The following AP3B1 variants were observed in gnomAD, a reference collection of about 807,000 sequenced individuals.
AP3B1 encodes the protein AP-3 complex subunit beta-1.
A neutral mutation model predicts 132.5 loss-of-function variants in AP3B1; 61 were observed. The observed-to-expected ratio is 0.46, with a 90% CI of 0.37 to 0.57. The LOEUF is 0.57. Ranked by LOEUF, AP3B1 falls within the 20% of genes least tolerant of loss-of-function variation. The pLI, the probability that AP3B1 is intolerant of heterozygous loss-of-function variation, is 0.00. For synonymous variants in AP3B1, 388 were observed against 438.3 expected, an observed-to-expected ratio of 0.89 and a Z score of 1.43; for missense variants, 1,120 against 1,289.4, an observed-to-expected ratio of 0.87 and a Z score of 2.01.
intron 11 of AP3B1, among the ~76,000 whole-genome samples, chr5:78,166,120 CA>C (rs992683225): frequency 0.017 from 3 of 174 alleles, no homozygotes; most frequent in African/African-American, 0.042. Context: ...AACTCTGTCA[CA>C]CACACACACA....
At chr5:78,065,953 A>G (rs569198465) in intron 22 of AP3B1, among the ~76,000 whole-genome samples, 4 of 152,250 alleles carry the variant, frequency 2.6e-5, no homozygotes, top group Non-Finnish European at 5.9e-5. Flanking sequence ...TGAAGCTCCC[A>G]GAGGAAAGAG....
chr5:78,089,563 C>G, intron 21 of AP3B1, 64 bp from the exon 22 acceptor site: 1 of 1,058,000 alleles, frequency 9.5e-7, no homozygotes, highest in Non-Finnish European at 1.5e-6. Flanking sequence ...TTAAAAGCAA[C>G]ATTTTTATTT....
intron 2 of AP3B1, among the ~76,000 whole-genome samples, chr5:78,266,496 A>T (rs1454123751): frequency 6.6e-6 from 1 of 152,152 alleles, no homozygotes; most frequent in African/African-American, 2.4e-5. Context: ...GATACCTGTT[A>T]TTTGGACTTT....
intron 26 of AP3B1, among the ~76,000 whole-genome samples, chr5:78,005,081 C>T (rs1013342331): frequency 3.3e-5 from 5 of 152,172 alleles, no homozygotes; most frequent in African/African-American, 9.7e-5. Context: ...TGTAAAACCA[C>T]GTCACCAAAG....
At chr5:78,193,744 T>TTTTATA (rs1554074849) in intron 7 of AP3B1, among the ~76,000 whole-genome samples, 4 of 110,414 alleles carry the variant, frequency 3.6e-5, no homozygotes, top group African/African-American at 6.3e-5. Context: ...ATATATTTTT[T>TTTTATA]TATATATATA....
intron 24 of AP3B1, among the ~76,000 whole-genome samples, chr5:78,034,068 T>C (rs186012961): frequency 6.6e-6 from 1 of 152,080 alleles, no homozygotes; most frequent in Admixed American, 6.5e-5. Flanking sequence ...TTTCTAAAAC[T>C]GGAGTGATAA....
chr5:78,241,760 GACATCAT>G (rs1463257858), intron 2 of AP3B1, among the ~76,000 whole-genome samples: 11 of 152,128 alleles, frequency 7.2e-5, no homozygotes, highest in African/African-American at 2.7e-4. Flanking sequence ...TCTCTAACTA[GACATCAT>G]TAGATTGCTC....
At chr5:78,163,624 G>GTA (rs1185244042) in intron 12 of AP3B1, among the ~76,000 whole-genome samples, 2 of 136,682 alleles carry the variant, frequency 1.5e-5, no homozygotes, top group African/African-American at 3.0e-5. Flanking sequence ...TGTATATATA[G>GTA]TATATATATA....
chr5:78,204,744 A>G (rs1001130591), intron 7 of AP3B1, among the ~76,000 whole-genome samples: 15 of 152,216 alleles, frequency 9.9e-5, no homozygotes, highest in African/African-American at 3.6e-4. Context: ...CCTCTTTGCG[A>G]ACAGAATCTA....
intron 11 of AP3B1, among the ~76,000 whole-genome samples, chr5:78,170,668 C>T (rs569773888): frequency 3.5e-4 from 54 of 152,250 alleles, no homozygotes; most frequent in Middle Eastern, 3.4e-3. Context: ...AAATTTTTCT[C>T]CCATTCTGTA....
chr5:78,158,963 C>T (rs1327548206), intron 13 of AP3B1, among the ~76,000 whole-genome samples: 1 of 152,154 alleles, frequency 6.6e-6, no homozygotes, highest in Admixed American at 6.5e-5. Context: ...CTCCCAAATG[C>T]TGGGACTACA....
At chr5:78,205,163 C>T (rs749663710) in intron 7 of AP3B1, among the ~76,000 whole-genome samples, 34 of 151,724 alleles carry the variant, frequency 2.2e-4, no homozygotes, top group Non-Finnish European at 3.5e-4. Context: ...TAACAATATA[C>T]GACATAAAGA....
chr5:78,109,806 G>A (rs181124466), intron 20 of AP3B1, among the ~76,000 whole-genome samples: 1 of 152,166 alleles, frequency 6.6e-6, no homozygotes, highest in East Asian at 1.9e-4. Context: ...ACTAACTAAA[G>A]AATGTATACT....
At chr5:78,023,618 G>A (rs866264752) in intron 24 of AP3B1, among the ~76,000 whole-genome samples, 3 of 152,128 alleles carry the variant, frequency 2.0e-5, no homozygotes, top group East Asian at 1.9e-4. Flanking sequence ...AGGATAAAGC[G>A]CAAATCTGGT....
intron 17 of AP3B1, among the ~76,000 whole-genome samples, chr5:78,116,581 C>T (rs934323046): frequency 4.0e-5 from 6 of 149,284 alleles, no homozygotes; most frequent in Non-Finnish European, 5.9e-5. Context: ...ATAACAAACA[C>T]AAGTTGATAG....
intron 22 of AP3B1, among the ~76,000 whole-genome samples, chr5:78,044,550 C>T (rs1484249810): frequency 6.6e-6 from 1 of 152,074 alleles, no homozygotes; most frequent in African/African-American, 2.4e-5. Flanking sequence ...AAAGCTGAAA[C>T]TGTAATGTAA....
chr5:78,058,456 C>T (rs751886729), intron 22 of AP3B1, among the ~76,000 whole-genome samples: 2 of 151,686 alleles, frequency 1.3e-5, no homozygotes, highest in African/African-American at 4.9e-5. Context: ...GCCGAGACCG[C>T]GCCATTGCAC....
At chr5:78,091,594 G>T (rs1750520610) in intron 21 of AP3B1, among the ~76,000 whole-genome samples, 1 of 152,180 alleles carries the variant, frequency 6.6e-6, no homozygotes, top group Non-Finnish European at 1.5e-5. Context: ...AGGAGGGAAT[G>T]AAGTCCAATT....
At chr5:78,228,820 C>T (rs10043750) in intron 3 of AP3B1, among the ~76,000 whole-genome samples, 50,852 of 152,182 alleles carry the variant, frequency 0.33, 8,611 homozygotes, top group Middle Eastern at 0.43. Flanking sequence ...CATTTCAACA[C>T]GCATTACATG....
Sources: gnomAD v4.1 joint callset for allele counts (sites outside exome capture counted in the v4.1 genomes callset) on GRCh38, gnomAD v4.1.1 for gene constraint, MANE v1.5 for transcripts, NCBI Gene and HGNC (gene_info 2026-07-23, HGNC 2026-07-21) for gene names.